The following POLR3E variants were observed in gnomAD, a reference collection of about 807,000 sequenced individuals.
The protein encoded by POLR3E is RNA polymerase III subunit E, also known as DNA-directed RNA polymerase III subunit RPC5.
A neutral mutation model predicts 96.6 loss-of-function variants in POLR3E; 41 were observed. That is an observed-to-expected ratio of 0.42 (90% CI 0.33 to 0.55). The LOEUF (loss-of-function observed/expected upper bound fraction) is 0.55. POLR3E is among the 20% of genes least tolerant of loss of function. The pLI is 0.06. For synonymous variants in POLR3E, 396 were observed against 383.6 expected (o/e 1.03, Z -0.38); for missense variants, 849 against 952.1 (o/e 0.89, Z 1.43).
At position 22,315,141 on chromosome 16, in the gene POLR3E, C is replaced by T. The variant is rs1347319205; in HGVS notation, c.575C>T (p.Ser192Phe). Residue 192 changes from serine to phenylalanine, a missense_variant, in exon 9 of 21, where the codon TCC (serine) becomes TTC (phenylalanine). Coordinates refer to ENST00000299853, the MANE Select transcript of POLR3E (RefSeq NM_018119.4). ...CAGGCCCGCCAGCGCCGTGTGCAGT[C>T]CTATGAGTTCCTGCAGAAGAAGCAC... is the stretch of plus-strand genomic sequence containing the variant. ...SEQARQRRVQSYEFLQKKHAE... is the reference protein window; with the variant it reads ...SEQARQRRVQFYEFLQKKHAE... 1 of 1,612,504 alleles carries T rather than the reference C, an allele frequency of 6.2e-7. No individual in the cohort carries two copies. The highest frequency in any genetic ancestry group is 1.3e-5 in the African/African-American group (1 of 74,906).
intron 9 of POLR3E, among the ~76,000 whole-genome samples, chr16:22,316,370 G>A (rs1218409582): frequency 6.6e-6 from 1 of 152,226 alleles, no homozygotes; most frequent in Non-Finnish European, 1.5e-5. Context: ...TGCTGGTGGT[G>A]TACCTGTGTT....
chr16:22,315,786 C>T (rs1344920116), intron 9 of POLR3E, among the ~76,000 whole-genome samples: 1 of 152,142 alleles, frequency 6.6e-6, no homozygotes, highest in Non-Finnish European at 1.5e-5. Flanking sequence ...ATTCTTCTGC[C>T]TCAACCTCCC....
intron 3 of POLR3E, among the ~76,000 whole-genome samples, chr16:22,307,588 A>G (rs1305779579): frequency 2.0e-5 from 3 of 152,210 alleles, no homozygotes; most frequent in African/African-American, 2.4e-5. Context: ...CATAAAGATA[A>G]GAGCGGGCCA....
At chr16:22,319,065 C>T (rs1422839260) in intron 13 of POLR3E, 119 bp downstream of exon 13, 4 of 661,070 alleles carry the variant, frequency 6.1e-6, no homozygotes, top group East Asian at 6.3e-5. Flanking sequence ...ACTTCTCCCT[C>T]CCAGGTCCAA....
chr16:22,305,047 C>T, intron 2 of POLR3E, 109 bp from the exon 3 acceptor site: 1 of 836,090 alleles, frequency 1.2e-6, no homozygotes, highest in East Asian at 2.4e-5. Flanking sequence ...CTTCCCCAAA[C>T]TGCTTCCCTG....
intron 1 of POLR3E, among the ~76,000 whole-genome samples, chr16:22,301,888 C>T (rs576631573): frequency 6.6e-6 from 1 of 151,402 alleles, no homozygotes; most frequent in South Asian, 2.1e-4. Flanking sequence ...TACCACCGCA[C>T]TCCAGCCTGG....
At chr16:22,319,263 G>A (rs912825577) in intron 13 of POLR3E, among the ~76,000 whole-genome samples, 6 of 152,128 alleles carry the variant, frequency 3.9e-5, no homozygotes, top group Non-Finnish European at 8.8e-5. Flanking sequence ...GTGAGCCACC[G>A]GGCCCGGCCT....
rs544682259 is a variant in POLR3E, at chr16:22,303,500, T to C, written c.36+496T>C. ...CGCAGATGTAGTCATTCAGCAGCTG[T>C]TCACTGGACCACTGTGTGCTGGGGG... On this transcript the variant is annotated intron_variant, in intron 2 of 20. Coordinates refer to ENST00000299853, the MANE Select transcript of POLR3E (RefSeq NM_018119.4). Among the ~76,000 whole-genome samples the C allele has an allele frequency of 2.6e-5, 4 of 152,186 alleles. No individual in the cohort carries two copies. The South Asian group carries it at 8.3e-4, about 32-fold the overall frequency.
chr16:22,330,988 CTTTTTTTTTTTTTTTTTTTTTT>C (rs56100056), intron 19 of POLR3E, among the ~76,000 whole-genome samples: 2 of 50,732 alleles, frequency 3.9e-5, no homozygotes, highest in Admixed American at 4.2e-4. Context: ...ATGAAGCATC[CTTTTTTTTTTTTTTTTTTTTTT>C]TTTTTTTTTT....
chr16:22,309,633 C>T lies in POLR3E; in HGVS notation c.364+123C>T, dbSNP rs188303770. On this transcript the variant is annotated intron_variant, in intron 6 of 20. Coordinates refer to ENST00000299853, the MANE Select transcript of POLR3E (RefSeq NM_018119.4). Reference sequence around the variant, plus strand: ...CTGAAAGCTAGACACCTGTGGGGGCCGGGCAGGTGTGGAAATAACAGAAAT... The same window carrying T: ...CTGAAAGCTAGACACCTGTGGGGGCTGGGCAGGTGTGGAAATAACAGAAAT... The T allele has an allele frequency of 3.3e-4, 257 of 770,076 alleles. 1 individual carries two copies. In the African/African-American group the frequency reaches 3.7e-3, roughly 11 times the overall value. 47.7% of individuals were successfully genotyped at this position (770,076 alleles called of 1,614,324 possible).
At chr16:22,298,578 T>G (rs80036167) in intron 1 of POLR3E, among the ~76,000 whole-genome samples, 9,651 of 152,162 alleles carry the variant, frequency 0.063, 1,039 homozygotes, top group African/African-American at 0.22. Context: ...CCTGCACAGT[T>G]TTGTTCTCGG....
chr16:22,314,048 G>A lies in POLR3E; in HGVS notation c.473-31G>A, dbSNP rs371757809. 3.1e-6 allele frequency: 5 copies of A among 1,602,804 alleles called. No homozygotes were observed. In the African/African-American group the frequency reaches 5.4e-5, roughly 17 times the overall value. On this transcript the variant is annotated intron_variant, in intron 7 of 20. Coordinates refer to ENST00000299853, the MANE Select transcript of POLR3E (RefSeq NM_018119.4). The stretch of plus-strand genomic sequence containing the variant: ...GAGAAGGGAGGTGGAGGCTCCCCAG[G>A]ACTGCAGTCAGTGGCTTGTCTCTCT...
chr16:22,328,218 T>C (rs992794765), intron 18 of POLR3E: 1 of 346,366 alleles, frequency 2.9e-6, no homozygotes, highest in Non-Finnish European at 5.3e-6. Context: ...GCTTCCCCAC[T>C]GTACGGAGGA....
intron 13 of POLR3E, among the ~76,000 whole-genome samples, chr16:22,319,492 G>T (rs572988988): frequency 6.6e-6 from 1 of 150,936 alleles, no homozygotes; most frequent in East Asian, 2.0e-4. Context: ...TCTGCCTGCC[G>T]GGTTCACGCC....
In POLR3E at chr16:22,313,129, C is replaced by A. The variant is rs570654412; in HGVS notation, c.365-491C>A. On this transcript the variant is annotated intron_variant, in intron 6 of 20. Coordinates refer to ENST00000299853, the MANE Select transcript of POLR3E (RefSeq NM_018119.4). The surrounding 1 kb of genome is among the most constrained non-coding windows in gnomAD (Gnocchi z 4.1). Reference sequence around the variant, plus strand: ...ACTCCACCCAGTTCTAGCAGGGCCTCTTCTCCAGCCACAGTGGCACTAGTG... The same window carrying A: ...ACTCCACCCAGTTCTAGCAGGGCCTATTCTCCAGCCACAGTGGCACTAGTG... 2.6e-5 allele frequency among the ~76,000 whole-genome samples: 4 copies of A among 152,184 alleles called. No homozygotes were observed. The South Asian group carries it at 8.3e-4, about 32-fold the overall frequency.
Position 22,331,669 on chromosome 16 carries a change from TCTC to T in POLR3E, c.1945-390_1945-388del, listed in dbSNP as rs138192873. 1,207 of 157,804 alleles carry T rather than the reference TCTC, an allele frequency of 7.6e-3. 6 individuals are homozygous for T. The highest frequency in any genetic ancestry group is 0.013 in the Non-Finnish European group (919 of 71,666). The allele number at this position is 157,804 out of a possible 1,614,324, so 9.8% of individuals were successfully genotyped here. On this transcript the variant is annotated intron_variant, in intron 19 of 20. Coordinates refer to ENST00000299853, the MANE Select transcript of POLR3E (RefSeq NM_018119.4). ...CTTCACACCAATTTTGACACCCTCT[TCTC>T]ATCTCCGTGCAGCTTAGATTGTCGC...
At chr16:22,301,891 C>A (rs1167857891) in intron 1 of POLR3E, among the ~76,000 whole-genome samples, 2 of 151,050 alleles carry the variant, frequency 1.3e-5, no homozygotes, top group Non-Finnish European at 2.9e-5. Context: ...CACCGCACTC[C>A]AGCCTGGGTG....
rs2048106020 is a variant in POLR3E at position 22,305,060 on chromosome 16, C to T, written c.37-96C>T. ...TCCTTCCCCAAACTGCTTCCCTGAG[C>T]CACTGCCCTTAACTGAAGCTGGAAG... On this transcript the variant is annotated intron_variant, in intron 2 of 20. Coordinates refer to ENST00000299853, the MANE Select transcript of POLR3E (RefSeq NM_018119.4). 11 of 919,906 alleles carry T rather than the reference C, an allele frequency of 1.2e-5. No individual in the cohort carries two copies. The Middle Eastern group carries it at 7.3e-4, about 61-fold the overall frequency. 57.0% of individuals were successfully genotyped at this position (919,906 alleles called of 1,614,324 possible). A position where few individuals can be genotyped will look rare whatever the true frequency, so the allele number is the denominator to read the frequency against.
intron 2 of POLR3E, among the ~76,000 whole-genome samples, chr16:22,304,100 C>T (rs1198519822): frequency 2.6e-5 from 4 of 152,128 alleles, no homozygotes; most frequent in Non-Finnish European, 2.9e-5. Context: ...CATGAGCCAC[C>T]ATGGCCGGCA....
Sources: gnomAD v4.1 joint callset for allele counts (sites outside exome capture counted in the v4.1 genomes callset) on GRCh38, gnomAD v4.1.1 for gene constraint, Gnocchi (gnomAD v3.1) non-coding constraint, MANE v1.5 for transcripts, NCBI Gene and HGNC (gene_info 2026-07-23, HGNC 2026-07-21) for gene names.